APBB2: variants seen among roughly 807,000 people sequenced by gnomAD.
The protein encoded by APBB2 is Fe65-like 1.
APBB2 carries 38 observed loss-of-function variants against 82.5 expected under a neutral mutation model. The observed-to-expected ratio is 0.46, with a 90% CI of 0.36 to 0.60. The LOEUF (loss-of-function observed/expected upper bound fraction) is 0.60, where lower values mean the gene tolerates loss of function less well. Ranked by LOEUF, APBB2 falls within the 20% of genes least tolerant of loss-of-function variation. The probability of loss-of-function intolerance (pLI) is 0.00; values close to 1 mark genes in which losing one functional copy is unlikely to be tolerated. For synonymous variants in APBB2, 341 were observed against 368.2 expected (o/e 0.93, Z 0.85); for missense variants, 772 against 972.3 (o/e 0.79, Z 2.74).
chr4:40,865,415 G>C (rs1763816176), intron 12 of APBB2, among the ~76,000 whole-genome samples: 1 of 152,106 alleles, frequency 6.6e-6, no homozygotes, highest in Non-Finnish European at 1.5e-5. Context: ...GAGTAAGACA[G>C]TAAGGGCTAA....
rs200369190 is a variant in APBB2 at position 41,071,814 on chromosome 4, AT to A, written c.-148-6142del. Among the ~76,000 whole-genome samples the A allele has an allele frequency of 1.8e-4, 27 of 151,978 alleles. No individual in the cohort carries two copies. In the South Asian group the frequency reaches 4.8e-3, roughly 27 times the overall value. ...GTTTAATTTCAACCATAGTGGATTA[AT>A]TTTTTTTTCTAAAAGGTAATGCCTT... is the stretch of plus-strand genomic sequence containing the variant. On this transcript the variant is annotated intron_variant, in intron 3 of 17. Transcript: ENST00000508593.
At chr4:40,881,451 G>T (rs1055934883) in intron 12 of APBB2, 1 of 895,824 alleles carries the variant, frequency 1.1e-6, no homozygotes, top group East Asian at 1.2e-4. Context: ...AAGAAACAGA[G>T]ATAACTTTCA....
At chr4:41,016,359 C>A (rs1341398500) in intron 5 of APBB2, among the ~76,000 whole-genome samples, 1 of 152,152 alleles carries the variant, frequency 6.6e-6, no homozygotes, top group Non-Finnish European at 1.5e-5. Context: ...CTCAATATGA[C>A]AGATTAAGAC....
intron 6 of APBB2, among the ~76,000 whole-genome samples, chr4:40,948,936 C>CT (rs1449147541): frequency 1.4e-5 from 2 of 141,714 alleles, no homozygotes; most frequent in East Asian, 4.1e-4. Context: ...TAAATAAGTA[C>CT]TTTGGACTTT....
intron 10 of APBB2, among the ~76,000 whole-genome samples, chr4:40,907,377 ATATTTTT>A (rs1261711371): frequency 1.5e-3 from 43 of 28,258 alleles, no homozygotes; most frequent in African/African-American, 4.2e-3. Context: ...ATATATATAT[ATATTTTT>A]TTTTTTTTTT....
intron 4 of APBB2, among the ~76,000 whole-genome samples, chr4:41,033,775 T>C (rs940172775): frequency 1.3e-5 from 2 of 152,176 alleles, no homozygotes; most frequent in Non-Finnish European, 2.9e-5. Context: ...AAAGGGCTAA[T>C]TTCCTTTATA....
chr4:41,060,061 T>C (rs1402010934), intron 4 of APBB2, among the ~76,000 whole-genome samples: 1 of 150,940 alleles, frequency 6.6e-6, no homozygotes, highest in African/African-American at 2.4e-5. Context: ...CTGAGGAAAA[T>C]GAGAAAGTGG....
intron 1 of APBB2, among the ~76,000 whole-genome samples, chr4:41,211,471 A>G (rs570643037): frequency 8.5e-6 from 1 of 118,026 alleles, no homozygotes; most frequent in African/African-American, 3.3e-5. Context: ...TTATTTACTT[A>G]TTTATTTATT....
At position 41,027,385 on chromosome 4, in the gene APBB2, ATATATATATATATATATAT is replaced by A. The variant is rs1714821729; in HGVS notation, c.19+5832_19+5850del. Among the ~76,000 whole-genome samples, 6 of 63,696 alleles carry A rather than the reference ATATATATATATATATATAT, an allele frequency of 9.4e-5. No homozygotes were observed. In the East Asian group the frequency reaches 2.8e-3, roughly 30 times the overall value. The allele number at this position is 63,696 out of a possible 152,430, so 41.8% of individuals were successfully genotyped here. Reference sequence around the variant, plus strand: ...GTTACATATATATATATATATATATATATATATATATATATATATAACATTTTCAAGAACTCCCAGACTG... The same window carrying A: ...GTTACATATATATATATATATATATAAACATTTTCAAGAACTCCCAGACTG... On this transcript the variant is annotated intron_variant, in intron 5 of 17. Transcript: ENST00000508593.
At position 40,824,638 on chromosome 4, in the gene APBB2, C is replaced by A. The variant is rs537405120; in HGVS notation, c.1817-879G>T. 7.9e-5 allele frequency among the ~76,000 whole-genome samples: 12 copies of A among 152,222 alleles called. No individual in the cohort carries two copies. The East Asian group carries it at 1.7e-3, about 22-fold the overall frequency. The stretch of plus-strand genomic sequence containing the variant: ...GAGTAGCTGGGACTACAGGTACATG[C>A]CACCATGCCCAGCTAATTTTTTGAA... On this transcript the variant is annotated intron_variant, in intron 15 of 17. Transcript: ENST00000508593.
intron 12 of APBB2, among the ~76,000 whole-genome samples, chr4:40,865,296 T>A (rs1358695547): frequency 1.3e-5 from 2 of 152,196 alleles, no homozygotes; most frequent in Non-Finnish European, 2.9e-5. Flanking sequence ...AAGCTGGCTG[T>A]CTGGCAAGTT....
intron 1 of APBB2, among the ~76,000 whole-genome samples, chr4:41,153,995 T>C (rs2154029481): frequency 6.6e-6 from 1 of 152,324 alleles, no homozygotes; most frequent in East Asian, 1.9e-4. Context: ...TTGTGAGAAA[T>C]GTTTCCTCTA....
At chr4:40,983,542 G>C (rs1318311797) in intron 6 of APBB2, among the ~76,000 whole-genome samples, 1 of 151,730 alleles carries the variant, frequency 6.6e-6, no homozygotes, top group Non-Finnish European at 1.5e-5. Context: ...ATGTCACAGG[G>C]AGTCCAAGTT....
chr4:40,980,694 G>C (rs998647349), intron 6 of APBB2, among the ~76,000 whole-genome samples: 5 of 152,208 alleles, frequency 3.3e-5, no homozygotes, highest in African/African-American at 1.2e-4. Context: ...AATTGTGCTT[G>C]TGGTCTCAAG....
At chr4:40,980,290 CTG>C (rs1210742562) in intron 6 of APBB2, among the ~76,000 whole-genome samples, 1 of 152,208 alleles carries the variant, frequency 6.6e-6, no homozygotes, top group Non-Finnish European at 1.5e-5. Flanking sequence ...TCCCGAAGTG[CTG>C]GGATTACAGT....
intron 1 of APBB2, among the ~76,000 whole-genome samples, chr4:41,153,600 A>T (rs1762787342): frequency 6.6e-6 from 1 of 152,164 alleles, no homozygotes; most frequent in Non-Finnish European, 1.5e-5. Context: ...TACAATCTTA[A>T]TCTTCAAGGC....
At chr4:41,023,238 A>G (rs761441260) in intron 5 of APBB2, among the ~76,000 whole-genome samples, 8 of 152,220 alleles carry the variant, frequency 5.3e-5, no homozygotes, top group Non-Finnish European at 1.2e-4. Flanking sequence ...GCATATTGTT[A>G]AATATGGGGG....
chr4:40,971,454 T>C (rs1283747283), intron 6 of APBB2, among the ~76,000 whole-genome samples: 1 of 152,208 alleles, frequency 6.6e-6, no homozygotes, highest in Non-Finnish European at 1.5e-5. Context: ...TCTCTAAGGA[T>C]TACATTATAC....
intron 6 of APBB2, among the ~76,000 whole-genome samples, chr4:40,967,089 C>T (rs1283611296): frequency 1.3e-5 from 2 of 152,176 alleles, no homozygotes; most frequent in Non-Finnish European, 2.9e-5. Flanking sequence ...GATGGGATCA[C>T]CTGCCTGTGG....
Sources: allele counts gnomAD v4.1 joint callset (sites outside exome capture counted in the v4.1 genomes callset), GRCh38; gene constraint gnomAD v4.1.1; transcripts MANE v1.5; gene names NCBI Gene and HGNC (gene_info 2026-07-23, HGNC 2026-07-21).